STAMBPL1: variants seen among roughly 807,000 people sequenced by gnomAD.
STAMBPL1 encodes STAM binding protein like 1, also known as AMSH-like protease.
Under a neutral mutation model 52.9 loss-of-function variants are expected in STAMBPL1, and 44 were observed. That is an observed-to-expected ratio of 0.83 (90% confidence interval 0.65 to 1.07). The LOEUF (loss-of-function observed/expected upper bound fraction) is 1.07. STAMBPL1 is among the 50% of genes least tolerant of loss of function. The probability of loss-of-function intolerance (pLI) is 0.00; values close to 1 mark genes in which losing one functional copy is unlikely to be tolerated. For missense variants in STAMBPL1, 511 were observed against 520.8 expected, an observed-to-expected ratio of 0.98 and a Z score of 0.18; for synonymous variants, 164 against 177.3, an observed-to-expected ratio of 0.92 and a Z score of 0.60.
intron 6 of STAMBPL1, among the ~76,000 whole-genome samples, chr10:88,913,704 C>T (rs1845290643): frequency 6.9e-6 from 1 of 145,308 alleles, no homozygotes; most frequent in African/African-American, 2.6e-5. Context: ...AGTATTTTGT[C>T]ATTGACAGAG....
chr10:88,888,598 G>A (rs1844598598), intron 1 of STAMBPL1, among the ~76,000 whole-genome samples: 1 of 152,150 alleles, frequency 6.6e-6, no homozygotes, highest in Non-Finnish European at 1.5e-5. Flanking sequence ...TATACATGAA[G>A]GCCACCTAGC....
chr10:88,921,678 C>T (rs1461057080), intron 9 of STAMBPL1, among the ~76,000 whole-genome samples: 1 of 152,114 alleles, frequency 6.6e-6, no homozygotes, highest in Non-Finnish European at 1.5e-5. Context: ...CTTATTTCTA[C>T]TGTATTATGT....
chr10:88,887,558 G>A (rs961225461), intron 1 of STAMBPL1, among the ~76,000 whole-genome samples: 7 of 152,092 alleles, frequency 4.6e-5, no homozygotes, highest in Non-Finnish European at 5.9e-5. Flanking sequence ...AACAAGGGTC[G>A]TGGTCTGTCA....
chr10:88,887,193 G>A (rs1476310921), intron 1 of STAMBPL1, among the ~76,000 whole-genome samples: 2 of 151,890 alleles, frequency 1.3e-5, no homozygotes, highest in African/African-American at 4.8e-5. Context: ...TGTTAACCTG[G>A]GCAAAGAAAC....
At chr10:88,898,066 GT>G (rs2133153957) in intron 1 of STAMBPL1, among the ~76,000 whole-genome samples, 1 of 152,064 alleles carries the variant, frequency 6.6e-6, no homozygotes, top group African/African-American at 2.4e-5. Flanking sequence ...GTGAGTTTTT[GT>G]TTTGTTTATT....
chr10:88,913,406 T>A lies in STAMBPL1; in HGVS notation c.726T>A (p.Ser242=), dbSNP rs1845279957. The part of the protein sequence containing the change: ...KSDATNYASH[S]PPVNRALTPA... ...ATGCAACCAATTATGCTAGCCACTC[T>A]CCTCCTGTAAACAGGGCCTTAACGC... The change falls in exon 6 of 11, where the codon TCT becomes TCA. Residue 242 remains serine (S), a synonymous_variant. Coordinates refer to ENST00000371926, the MANE Select transcript of STAMBPL1 (RefSeq NM_020799.4). 1 of 1,613,678 alleles carries A rather than the reference T, an allele frequency of 6.2e-7. No homozygotes were observed. The highest frequency in any genetic ancestry group is 8.5e-7 in the Non-Finnish European group (1 of 1,179,772).
At chr10:88,891,665 T>G (rs1423877524) in intron 1 of STAMBPL1, among the ~76,000 whole-genome samples, 4 of 152,190 alleles carry the variant, frequency 2.6e-5, no homozygotes, top group Non-Finnish European at 4.4e-5. Flanking sequence ...TATAAGGTAT[T>G]TTTTTGCCAA....
intron 8 of STAMBPL1, among the ~76,000 whole-genome samples, chr10:88,920,569 T>C (rs1845483990): frequency 6.6e-6 from 1 of 152,194 alleles, no homozygotes; most frequent in South Asian, 2.1e-4. Flanking sequence ...TAGGTGTGCA[T>C]TTATTTTTTA....
intron 5 of STAMBPL1, chr10:88,912,590 T>C (rs1845254669): frequency 6.5e-6 from 1 of 153,586 alleles, no homozygotes; most frequent in African/African-American, 2.4e-5. Flanking sequence ...ATGATGGAAG[T>C]GTTCTGTTTG....
chr10:88,893,508 G>C (rs188573345), intron 1 of STAMBPL1, among the ~76,000 whole-genome samples: 1 of 152,122 alleles, frequency 6.6e-6, no homozygotes, highest in Admixed American at 6.5e-5. Flanking sequence ...TTGGGAGGCC[G>C]AGGCGGGCGG....
At position 88,914,234 on chromosome 10, in the gene STAMBPL1, C is replaced by G. The variant is rs140951805; in HGVS notation, c.779-300C>G. 1.0e-3 allele frequency among the ~76,000 whole-genome samples: 155 copies of G among 152,230 alleles called. 1 individual carries two copies. Among genetic ancestry groups the G allele is most frequent in the Middle Eastern group, 3.4e-3 (1 of 294 alleles). ...CATTCTATGCAGCCTATGCATTTAA[C>G]CCTATATTTGCTTCATGCCTAAAGA... On this transcript the variant is annotated intron_variant, in intron 6 of 10. Coordinates refer to ENST00000371926, the MANE Select transcript of STAMBPL1 (RefSeq NM_020799.4).
At chr10:88,903,689 G>A (rs1248017975) in intron 2 of STAMBPL1, among the ~76,000 whole-genome samples, 7 of 152,118 alleles carry the variant, frequency 4.6e-5, no homozygotes, top group Non-Finnish European at 4.4e-5. Context: ...TTCTATAGCC[G>A]AGTGTGGTTA....
chr10:88,884,831 T>A (rs1234588959), intron 1 of STAMBPL1, among the ~76,000 whole-genome samples: 1 of 152,258 alleles, frequency 6.6e-6, no homozygotes. Flanking sequence ...GGAAACAGGA[T>A]ACTTTTTCCC....
At chr10:88,882,414 C>G (rs764619554) in intron 1 of STAMBPL1, 2 of 152,198 alleles carry the variant, frequency 1.3e-5, no homozygotes, top group African/African-American at 4.8e-5. Context: ...TTCTTACTTT[C>G]AGCACATAGG....
chr10:88,908,422 G>C (rs1422605483), intron 3 of STAMBPL1, among the ~76,000 whole-genome samples: 1 of 152,172 alleles, frequency 6.6e-6, no homozygotes, highest in Non-Finnish European at 1.5e-5. Flanking sequence ...TTGGGGCTAA[G>C]CATGCAGTAC....
At chr10:88,895,200 C>T (rs1487375579) in intron 1 of STAMBPL1, among the ~76,000 whole-genome samples, 2 of 152,150 alleles carry the variant, frequency 1.3e-5, no homozygotes, top group Non-Finnish European at 2.9e-5. Context: ...GTCACATGTT[C>T]AGCTGATGAA....
At chr10:88,908,855 C>T in intron 4 of STAMBPL1, 78 bp downstream of exon 4, 1 of 1,167,012 alleles carries the variant, frequency 8.6e-7, no homozygotes, top group Non-Finnish European at 1.2e-6. Context: ...TCCCCTTCCT[C>T]CCCTTTCTCT....
chr10:88,899,908 C>T (rs1844902766), intron 1 of STAMBPL1, among the ~76,000 whole-genome samples: 1 of 152,180 alleles, frequency 6.6e-6, no homozygotes, highest in South Asian at 2.1e-4. Context: ...TTTGCTCTGT[C>T]TTTTTAACGC....
intron 3 of STAMBPL1, among the ~76,000 whole-genome samples, chr10:88,906,439 T>G (rs1170229142): frequency 6.6e-6 from 1 of 152,244 alleles, no homozygotes; most frequent in Non-Finnish European, 1.5e-5. Flanking sequence ...AACCTTCTTT[T>G]TTTTAATTGA....
Sources: gnomAD v4.1 joint callset for allele counts (sites outside exome capture counted in the v4.1 genomes callset) on GRCh38, gnomAD v4.1.1 for gene constraint, MANE v1.5 for transcripts, NCBI Gene and HGNC (gene_info 2026-07-23, HGNC 2026-07-21) for gene names.